ATXN2: variants seen among roughly 807,000 people sequenced by gnomAD.
The protein encoded by ATXN2 is ataxin-2.
ATXN2 carries 37 observed loss-of-function variants against 138.6 expected under a neutral mutation model. That is an observed-to-expected ratio of 0.27 (90% CI 0.21 to 0.35). The LOEUF (loss-of-function observed/expected upper bound fraction) is 0.35, where lower values mean the gene tolerates loss of function less well. Among genes scored for constraint, ATXN2 ranks in the 10% least tolerant of loss-of-function variants. The pLI is 1.00. For missense variants in ATXN2, 1,216 were observed against 1,480.3 expected (o/e 0.82, Z 2.93); for synonymous variants, 549 against 543.7 (o/e 1.01, Z -0.13).
At chr12:111,559,682 AGAATCACTT>A (rs1253239133) in intron 1 of ATXN2, among the ~76,000 whole-genome samples, 3 of 151,372 alleles carry the variant, frequency 2.0e-5, no homozygotes, top group African/African-American at 7.3e-5. Flanking sequence ...CTGAGACCAG[AGAATCACTT>A]GAACCCGGGA....
chr12:111,530,866 CT>C (rs1268312455), intron 5 of ATXN2, among the ~76,000 whole-genome samples: 1 of 152,124 alleles, frequency 6.6e-6, no homozygotes, highest in Non-Finnish European at 1.5e-5. Flanking sequence ...TGGCTGACGC[CT>C]GTAATCCCAT....
intron 2 of ATXN2, among the ~76,000 whole-genome samples, chr12:111,554,825 G>A (rs535464157): frequency 4.7e-4 from 72 of 152,234 alleles, no homozygotes; most frequent in African/African-American, 1.6e-3. Flanking sequence ...ACCCTAAGAA[G>A]GGTGAAGTAT....
At chr12:111,527,005 G>GT (rs1880541153) in intron 5 of ATXN2, among the ~76,000 whole-genome samples, 1 of 152,154 alleles carries the variant, frequency 6.6e-6, no homozygotes, top group Admixed American at 6.5e-5. Context: ...CTCTCACTTT[G>GT]TGTCCTCTTC....
At chr12:111,571,172 A>G (rs2135813404) in intron 1 of ATXN2, among the ~76,000 whole-genome samples, 1 of 152,352 alleles carries the variant, frequency 6.6e-6, no homozygotes, top group East Asian at 1.9e-4. Flanking sequence ...CTAATTGTAA[A>G]GTCCCTGCTC....
chr12:111,483,529 G>T (rs1052792805), intron 18 of ATXN2, among the ~76,000 whole-genome samples: 3 of 119,888 alleles, frequency 2.5e-5, no homozygotes, highest in African/African-American at 6.4e-5. Flanking sequence ...GCTGATCTTT[G>T]TATTTTTAGT....
At chr12:111,471,731 T>G (rs938605272) in intron 18 of ATXN2, 1 of 151,748 alleles carries the variant, frequency 6.6e-6, no homozygotes, top group African/African-American at 2.4e-5. Context: ...TTATCTTGGA[T>G]GCACGTATTT....
At chr12:111,590,958 A>G (rs908554779) in intron 1 of ATXN2, among the ~76,000 whole-genome samples, 8 of 151,574 alleles carry the variant, frequency 5.3e-5, no homozygotes, top group Non-Finnish European at 1.0e-4. Flanking sequence ...GTGCTATCTC[A>G]GCTCACTGCA....
chr12:111,592,470 C>A (rs1292129769), intron 1 of ATXN2, among the ~76,000 whole-genome samples: 2 of 151,548 alleles, frequency 1.3e-5, no homozygotes, highest in African/African-American at 2.4e-5. Context: ...AAAAAAAACA[C>A]AAGTACTTTC....
chr12:111,581,494 TC>T, intron 1 of ATXN2: 5 of 1,016,240 alleles, frequency 4.9e-6, no homozygotes, highest in Admixed American at 1.7e-5. Flanking sequence ...ACAACCCTGC[TC>T]CCCCAATGTC....
At chr12:111,537,884 C>T (rs536096853) in intron 5 of ATXN2, among the ~76,000 whole-genome samples, 1 of 151,966 alleles carries the variant, frequency 6.6e-6, no homozygotes, top group South Asian at 2.1e-4. Flanking sequence ...TCATTTGAGG[C>T]CCAGAGTTTG....
intron 18 of ATXN2, 140 bp from the exon 19 acceptor site, chr12:111,470,882 C>A (rs548171415): frequency 8.8e-5 from 74 of 841,078 alleles, no homozygotes; most frequent in Non-Finnish European, 1.2e-4. Context: ...CCACTTCTGC[C>A]ACTCTGGGTT....
At chr12:111,531,636 G>A (rs1357156934) in intron 5 of ATXN2, among the ~76,000 whole-genome samples, 1 of 152,056 alleles carries the variant, frequency 6.6e-6, no homozygotes, top group African/African-American at 2.4e-5. Context: ...TAATACTGAA[G>A]AATAACACAA....
chr12:111,460,227 G>A (rs1459846489), intron 21 of ATXN2, among the ~76,000 whole-genome samples: 4 of 151,752 alleles, frequency 2.6e-5, no homozygotes, highest in East Asian at 3.9e-4. Context: ...GACTACAGGC[G>A]CGCCTGGCTA....
chr12:111,577,815 C>G (rs563830373), intron 1 of ATXN2, among the ~76,000 whole-genome samples: 16 of 152,108 alleles, frequency 1.1e-4, no homozygotes, highest in Non-Finnish European at 1.8e-4. Flanking sequence ...GGCATGATGG[C>G]GTGCACCCAC....
intron 1 of ATXN2, among the ~76,000 whole-genome samples, chr12:111,573,642 T>C (rs1420278049): frequency 6.6e-6 from 1 of 152,238 alleles, no homozygotes; most frequent in African/African-American, 2.4e-5. Context: ...GGCAATTTCC[T>C]TAATTTCTCC....
intron 14 of ATXN2, among the ~76,000 whole-genome samples, chr12:111,492,216 T>G (rs1340215755): frequency 6.6e-6 from 1 of 152,190 alleles, no homozygotes; most frequent in Non-Finnish European, 1.5e-5. Flanking sequence ...GACAAGAGAC[T>G]GCCTGGTAAT....
rs764779216 is a variant in ATXN2, at chr12:111,509,928, A to C, written c.1827T>G (p.Asn609Lys). The C allele has an allele frequency of 5.6e-6, 9 of 1,613,142 alleles. No individual in the cohort carries two copies. In the African/African-American group the frequency reaches 1.2e-4, roughly 22 times the overall value. Residue 609 changes from asparagine (N) to lysine (K), a missense_variant, in exon 13 of 25, where the codon AAT becomes AAG. Asn to Lys is a moderately conservative substitution (Grantham distance 94). This residue lies in a region of ATXN2 where 215 missense variants were observed against 210.0 expected (regional missense o/e 1.02). Transcript: ENST00000673436. ...CTTTTGAGAAGCTAGGTGATGTTTC[A>C]TTGGGTTTAATATTTTCTTTATTCC... ...PAGNKENIKP[N>K]ETSPSFSKAE...
At chr12:111,535,727 G>A (rs1178251809) in intron 5 of ATXN2, among the ~76,000 whole-genome samples, 3 of 152,010 alleles carry the variant, frequency 2.0e-5, no homozygotes, top group African/African-American at 4.8e-5. Flanking sequence ...TAGGCCGGGC[G>A]CGGTGGCTCA....
intron 14 of ATXN2, among the ~76,000 whole-genome samples, chr12:111,501,662 G>C (rs1365758356): frequency 6.6e-6 from 1 of 152,202 alleles, no homozygotes; most frequent in African/African-American, 2.4e-5. Flanking sequence ...GTATTTATGT[G>C]GGCACACTGG....
Sources: allele counts gnomAD v4.1 joint callset (sites outside exome capture counted in the v4.1 genomes callset), GRCh38; gene constraint gnomAD v4.1.1; regional missense constraint gnomAD v4.1.1; transcripts MANE v1.5; gene names NCBI Gene and HGNC (gene_info 2026-07-23, HGNC 2026-07-21).